The following ISG20L2 variants were observed in gnomAD, a reference collection of about 807,000 sequenced individuals.
The protein encoded by ISG20L2 is interferon stimulated exonuclease gene 20 like 2, also known as interferon-stimulated 20 kDa exonuclease-like 2.
In ISG20L2, 14 loss-of-function variants were observed where a neutral mutation model predicts 27.8. The ratio of observed to expected loss-of-function variants is 0.50; its 90% confidence interval spans 0.33 to 0.79. ISG20L2 has a LOEUF of 0.79. ISG20L2 is among the 30% of genes least tolerant of loss of function. ISG20L2 has a pLI of 0.02. For missense variants in ISG20L2, 393 were observed against 435.1 expected, an observed-to-expected ratio of 0.90 and a Z score of 0.86; for synonymous variants, 157 against 165.7, an observed-to-expected ratio of 0.95 and a Z score of 0.40.
chr1:156,728,389 T>G (rs1459263216), intron 1 of ISG20L2, 26 bp downstream of exon 1: 1 of 985,428 alleles, frequency 1.0e-6, no homozygotes, highest in Non-Finnish European at 1.2e-6. Context: ...GCGGTACAGA[T>G]CGATCTCTCA....
At chr1:156,724,495 T>C (rs1158005978) in intron 2 of ISG20L2, 147 bp from the exon 3 acceptor site, 2 of 1,410,368 alleles carry the variant, frequency 1.4e-6, no homozygotes, top group Middle Eastern at 2.6e-4. Context: ...CTCCCACAAG[T>C]TTTCTTTCTT....
rs1194694126 is a variant in ISG20L2, at chr1:156,722,626, CG to C, written c.*722del. 1.5e-5 allele frequency: 2 copies of C among 132,584 alleles called. No homozygotes were observed. Among genetic ancestry groups the C allele is most frequent in the Non-Finnish European group, 3.2e-5 (2 of 63,076 alleles). 8.2% of individuals were successfully genotyped at this position (132,584 alleles called of 1,614,324 possible). On this transcript the variant is annotated 3_prime_UTR_variant, in exon 4 of 4. Coordinates refer to ENST00000368219, the MANE Select transcript of ISG20L2 (RefSeq NM_001370150.2). ...AATTCTTTTTTTTTTTTTTTGGAGA[CG>C]GAGTCTCACTCTTGTCACCCAGGCT... is the stretch of plus-strand genomic sequence containing the variant.
Position 156,723,030 on chromosome 1 carries a change from G to T in ISG20L2, c.*319C>A, listed in dbSNP as rs1364548306. On this transcript the variant is annotated 3_prime_UTR_variant, in exon 4 of 4. Transcript: ENST00000368219. ...TTTGGGAAACTACATTTCCCAGTATGCCCTGCCCCTTGAAAGTTAAAAATC... is the reference window on the plus strand; with the variant it reads ...TTTGGGAAACTACATTTCCCAGTATTCCCTGCCCCTTGAAAGTTAAAAATC... The T allele has an allele frequency of 4.6e-5, 13 of 279,760 alleles. No homozygotes were observed. In the Admixed American group the frequency reaches 6.0e-4, roughly 13 times the overall value. 17.3% of individuals were successfully genotyped at this position (279,760 alleles called of 1,614,324 possible).
rs976068115 is a variant in ISG20L2, at chr1:156,723,840, T to C, written c.948+308A>G. ...AGATGGGCCACCCTTTGCTGAAATATAGCGTGTAAAATACGAGCGGTCCTT... is the reference window on the plus strand; with the variant it reads ...AGATGGGCCACCCTTTGCTGAAATACAGCGTGTAAAATACGAGCGGTCCTT... On this transcript the variant is annotated intron_variant, in intron 3 of 3. Coordinates refer to ENST00000368219, the MANE Select transcript of ISG20L2 (RefSeq NM_001370150.2). 1.6e-5 allele frequency: 20 copies of C among 1,253,284 alleles called. No homozygotes were observed. The African/African-American group carries it at 2.6e-4, about 16-fold the overall frequency. 77.6% of individuals were successfully genotyped at this position (1,253,284 alleles called of 1,614,324 possible).
At chr1:156,728,083 G>T in intron 1 of ISG20L2, 1 of 997,994 alleles carries the variant, frequency 1.0e-6, no homozygotes, top group Non-Finnish European at 1.2e-6. Flanking sequence ...TAAGAGGCTA[G>T]AACACGTGCG....
chr1:156,726,587 T>A, intron 2 of ISG20L2: 3 of 827,844 alleles, frequency 3.6e-6, no homozygotes, highest in Non-Finnish European at 4.4e-6. Flanking sequence ...TTCCGCTATG[T>A]TGCCCAGACA....
In ISG20L2 at chr1:156,728,404, C is replaced by T. The variant is rs961624557; in HGVS notation, c.-118+11G>A. ...GCGGTACAGATCGATCTCTCACGCT[C>T]ACAAACCTACCTCCCAGACGGGTCC... is the stretch of plus-strand genomic sequence containing the variant. On this transcript the variant is annotated intron_variant, in intron 1 of 3. Coordinates refer to ENST00000368219, the MANE Select transcript of ISG20L2 (RefSeq NM_001370150.2). 2.0e-6 allele frequency: 2 copies of T among 985,614 alleles called. No individual in the cohort carries two copies. Among genetic ancestry groups the T allele is most frequent in the Non-Finnish European group, 2.4e-6 (2 of 829,970 alleles). 61.1% of individuals were successfully genotyped at this position (985,614 alleles called of 1,614,324 possible).
intron 2 of ISG20L2, 81 bp downstream of exon 2, chr1:156,726,825 A>T: frequency 6.5e-7 from 1 of 1,533,172 alleles, no homozygotes; most frequent in Non-Finnish European, 8.8e-7. Flanking sequence ...GTGTCTTCCC[A>T]TAGTGATATC....
In ISG20L2 at chr1:156,727,738, A is replaced by G; in HGVS notation, c.-86T>C. 6.5e-7 allele frequency: 1 copy of G among 1,528,812 alleles called. No individual in the cohort carries two copies. The highest frequency in any genetic ancestry group is 8.7e-7 in the Non-Finnish European group (1 of 1,147,630). 94.7% of individuals were successfully genotyped at this position (1,528,812 alleles called of 1,614,324 possible). A position where few individuals can be genotyped will look rare whatever the true frequency, so the allele number is the denominator to read the frequency against. On this transcript the variant is annotated 5_prime_UTR_variant, in exon 2 of 4. Transcript: ENST00000368219. ...TGGGACTCATTCTCTGCTGAATCCT[A>G]CTGTCCAACATGTGGAGGTCTGTAG...
At chr1:156,723,710 C>T (rs1018184005) in intron 3 of ISG20L2, 23 of 985,308 alleles carry the variant, frequency 2.3e-5, no homozygotes, top group Admixed American at 6.1e-5. Context: ...ATATTAGGTT[C>T]TGTAGAGATA....
chr1:156,725,621 C>T (rs1443382784), intron 2 of ISG20L2: 1 of 152,978 alleles, frequency 6.5e-6, no homozygotes, highest in African/African-American at 2.4e-5. Flanking sequence ...ATGATGAAAA[C>T]CAGACGTAGT....
chr1:156,723,417 T>A lies in ISG20L2; in HGVS notation c.994A>T (p.Met332Leu), dbSNP rs1312029516. 6.2e-7 allele frequency: 1 copy of A among 1,614,138 alleles called. No individual in the cohort carries two copies. Among genetic ancestry groups the A allele is most frequent in the East Asian group, 2.2e-5 (1 of 44,880 alleles). ...HSSVEDAQAT[M>L]ELYKLVEVEW... is the part of the protein sequence containing the mutation. ...ACTTCAACCAACTTATATAGCTCCA[T>A]GGTGGCCTGGGCATCTTCCACAGAG... Residue 332 changes from methionine (M) to leucine (L), a missense_variant, in exon 4 of 4, where the codon ATG becomes TTG. Coordinates refer to ENST00000368219, the MANE Select transcript of ISG20L2 (RefSeq NM_001370150.2).
rs1033268828 is a variant in ISG20L2 at position 156,726,970 on chromosome 1, C to T, written c.683G>A (p.Arg228Lys). 2 of 1,614,104 alleles carry T rather than the reference C, an allele frequency of 1.2e-6. No homozygotes were observed. The highest frequency in any genetic ancestry group is 1.1e-5 in the South Asian group (1 of 91,092). The change falls in exon 2 of 4, where the codon AGG (arginine) becomes AAG (lysine). Residue 228 changes from arginine (R) to lysine (K), a missense_variant. This residue lies in a region of ISG20L2 where 171 missense variants were observed against 195.3 expected (regional missense o/e 0.88). Transcript: ENST00000368219. ...PPCHIVDYRT[R>K]WSGIRKQHMV... is the part of the protein sequence containing the mutation. ...GTGCTGCTTCCGGATACCACTCCAC[C>T]TGGTTCGGTAGTCCACAATGTGGCA... is the stretch of plus-strand genomic sequence containing the variant.
At chr1:156,726,222 A>G in intron 2 of ISG20L2, 2 of 985,218 alleles carry the variant, frequency 2.0e-6, no homozygotes, top group Non-Finnish European at 2.4e-6. Flanking sequence ...CACTTTCCGC[A>G]CTTGCCCCAG....
chr1:156,728,313 C>T, intron 1 of ISG20L2, 102 bp downstream of exon 1: 2 of 985,822 alleles, frequency 2.0e-6, no homozygotes, highest in Non-Finnish European at 2.4e-6. Flanking sequence ...TTGACACCAT[C>T]TACCAGCGCG....
At chr1:156,724,553 G>A in intron 2 of ISG20L2, 7 of 1,367,160 alleles carry the variant, frequency 5.1e-6, no homozygotes, top group Non-Finnish European at 6.6e-6. Context: ...GGTATACCCT[G>A]TTTGGACTCA....
chr1:156,723,363 G>C lies in ISG20L2; in HGVS notation c.1048C>G (p.Pro350Ala). Reference protein sequence around the residue: ...VEWEEHLARNPPTD With the variant: ...VEWEEHLARNAPTD ...CCCCACTGCCACTAGTCTGTAGGGG[G>C]ATTCCGGGCTAGGTGCTCTTCCCAC... Residue 350 changes from proline (P) to alanine (A), a missense_variant, in exon 4 of 4, where the codon CCC (proline) becomes GCC (alanine). Around this residue, in one of 3 missense-constraint regions of ISG20L2, gnomAD observed 171 missense variants for 195.3 expected, o/e 0.88. Transcript: ENST00000368219. 2 of 1,614,178 alleles carry C rather than the reference G, an allele frequency of 1.2e-6. No individual in the cohort carries two copies. The highest frequency in any genetic ancestry group is 1.3e-5 in the African/African-American group (1 of 75,044).
chr1:156,725,745 G>A (rs12023776), intron 2 of ISG20L2: 87,504 of 441,694 alleles, frequency 0.2, 8,987 homozygotes, highest in South Asian at 0.29. Flanking sequence ...CAGATTTGCT[G>A]TCTCAGACCC....
chr1:156,728,215 C>T, intron 1 of ISG20L2, 200 bp downstream of exon 1: 2 of 985,942 alleles, frequency 2.0e-6, no homozygotes, highest in Non-Finnish European at 2.4e-6. Flanking sequence ...AGACACAAAT[C>T]CAGGCATCCC....
Sources: allele counts gnomAD v4.1 joint callset, GRCh38; gene constraint gnomAD v4.1.1; regional missense constraint gnomAD v4.1.1; transcripts MANE v1.5; gene names NCBI Gene and HGNC (gene_info 2026-07-23, HGNC 2026-07-21).